Variants in MAST2 observed in about 807,000 individuals in gnomAD.
MAST2 encodes microtubule associated serine/threonine kinase 2.
A neutral mutation model predicts 147.4 loss-of-function variants in MAST2; 70 were observed. That is an observed-to-expected ratio of 0.47 (90% CI 0.39 to 0.58). MAST2 has a LOEUF of 0.58. Ranked by LOEUF, MAST2 falls within the 20% of genes least tolerant of loss-of-function variation. MAST2 has a pLI of 0.00. For missense variants in MAST2, 2,080 were observed against 2,302.3 expected, an observed-to-expected ratio of 0.90 and a Z score of 1.98; for synonymous variants, 869 against 896.8, an observed-to-expected ratio of 0.97 and a Z score of 0.55.
chr1:45,949,776 C>G (rs1268290788), intron 4 of MAST2, among the ~76,000 whole-genome samples: 5 of 152,138 alleles, frequency 3.3e-5, no homozygotes, highest in South Asian at 4.1e-4. Context: ...CACGAATGTT[C>G]ATTATAGCAC....
chr1:45,935,551 C>G (rs1432559763), intron 4 of MAST2, among the ~76,000 whole-genome samples: 1 of 152,108 alleles, frequency 6.6e-6, no homozygotes, highest in African/African-American at 2.4e-5. Flanking sequence ...CTTTGATCAT[C>G]TTGAGTTGAT....
chr1:46,031,380 T>C lies in MAST2; in HGVS notation c.2993-11T>C, dbSNP rs771258834. 1.2e-6 allele frequency: 2 copies of C among 1,603,448 alleles called. No homozygotes were observed. The highest frequency in any genetic ancestry group is 1.7e-6 in the Non-Finnish European group (2 of 1,172,468). ...GGCATCGCGGGTCTCACTGCTTACT[T>C]GGGCCTACAGCTATGGAGACCCGAG... On this transcript the variant is annotated splice_polypyrimidine_tract_variant and intron_variant, in intron 23 of 28. Transcript: ENST00000361297. The surrounding 1 kb of genome is among the most constrained non-coding windows in gnomAD (Gnocchi z 4.1).
rs1375138777 is a variant in MAST2 at position 46,033,868 on chromosome 1, C to T, written c.3604C>T (p.Arg1202Trp). The change falls in exon 27 of 29, where the codon CGG (arginine) becomes TGG (tryptophan). Residue 1202 changes from arginine (R) to tryptophan (W), a missense_variant. Physicochemically the swap from Arg to Trp is moderately radical, Grantham distance 101 (BLOSUM62 -3). Transcript: ENST00000361297. ...ENTSIKVGPA[R>W]KGSYKAKMAR... ...CACATCCATTAAAGTGGGGCCAGCTCGGAAGGGCAGCTACAAGGCCAAGAT... is the reference window on the plus strand; with the variant it reads ...CACATCCATTAAAGTGGGGCCAGCTTGGAAGGGCAGCTACAAGGCCAAGAT... 7 of 1,614,048 alleles carry T rather than the reference C, an allele frequency of 4.3e-6. No homozygotes were observed. Among genetic ancestry groups the T allele is most frequent in the Non-Finnish European group, 5.9e-6 (7 of 1,180,036 alleles).
rs1408518670 is a variant in MAST2 at position 45,911,852 on chromosome 1, TA to T, written c.500+29458del. 3.9e-3 allele frequency among the ~76,000 whole-genome samples: 499 copies of T among 129,536 alleles called. 1 individual carries two copies. The highest frequency in any genetic ancestry group is 0.014 in the African/African-American group (477 of 32,980). 85.0% of individuals were successfully genotyped at this position (129,536 alleles called of 152,430 possible). On this transcript the variant is annotated intron_variant, in intron 4 of 28. Coordinates refer to ENST00000361297, the MANE Select transcript of MAST2 (RefSeq NM_015112.3). ...GCTGTTATGTCATTATTATTATTGT[TA>T]TATTATTATTATTATTATTATTATT...
intron 10 of MAST2, among the ~76,000 whole-genome samples, chr1:46,012,672 A>G (rs942284795): frequency 4.6e-5 from 7 of 152,106 alleles, no homozygotes; most frequent in African/African-American, 1.7e-4. Flanking sequence ...CTTAACAGGT[A>G]GGAGTTCACT....
At position 45,803,644 on chromosome 1, in the gene MAST2, C is replaced by T. The variant is rs1644053167; in HGVS notation, c.-252C>T. ...GGCGGCTGAGCCGGCGGCGGGTGGC[C>T]TGCCCAACGTGTGCTGGGTGGGAGA... On this transcript the variant is annotated 5_prime_UTR_variant, in exon 1 of 29. Coordinates refer to ENST00000361297, the MANE Select transcript of MAST2 (RefSeq NM_015112.3). 1.1e-5 allele frequency: 3 copies of T among 271,824 alleles called. No individual in the cohort carries two copies. The highest frequency in any genetic ancestry group is 4.5e-5 in the African/African-American group (2 of 44,648). The allele number at this position is 271,824 out of a possible 1,614,324, so 16.8% of individuals were successfully genotyped here.
chr1:45,841,692 G>C (rs1411742177), intron 3 of MAST2, among the ~76,000 whole-genome samples: 1 of 152,184 alleles, frequency 6.6e-6, no homozygotes, highest in Non-Finnish European at 1.5e-5. Flanking sequence ...TATAGGTTTA[G>C]AAAGGAAAGT....
chr1:45,898,878 CT>C (rs756976828), intron 4 of MAST2, among the ~76,000 whole-genome samples: 5 of 152,186 alleles, frequency 3.3e-5, no homozygotes, highest in Non-Finnish European at 5.9e-5. Flanking sequence ...GGGATGTCTA[CT>C]TATCCATCCC....
intron 4 of MAST2, among the ~76,000 whole-genome samples, chr1:45,903,618 G>C (rs1397410479): frequency 6.6e-6 from 1 of 152,158 alleles, no homozygotes; most frequent in Non-Finnish European, 1.5e-5. Flanking sequence ...AGTTCCTCTT[G>C]ATGTTGATTT....
At chr1:45,888,321 T>C (rs1376073950) in intron 4 of MAST2, among the ~76,000 whole-genome samples, 2 of 152,162 alleles carry the variant, frequency 1.3e-5, no homozygotes, top group Non-Finnish European at 2.9e-5. Context: ...GTCTTTTCTG[T>C]TATACCTCTC....
chr1:46,010,223 C>CT (rs1645657441), intron 9 of MAST2, among the ~76,000 whole-genome samples: 1 of 152,210 alleles, frequency 6.6e-6, no homozygotes, highest in Admixed American at 6.5e-5. Context: ...TGCCCATACA[C>CT]TAAGTTTACA....
intron 3 of MAST2, among the ~76,000 whole-genome samples, chr1:45,871,183 G>A (rs1570460813): frequency 7.0e-6 from 1 of 143,580 alleles, no homozygotes; most frequent in South Asian, 2.2e-4. Context: ...ATTATTTTTT[G>A]TATTCCATAT....
At chr1:45,832,259 T>TG (rs1353459935) in intron 3 of MAST2, among the ~76,000 whole-genome samples, 2 of 151,952 alleles carry the variant, frequency 1.3e-5, no homozygotes, top group Non-Finnish European at 2.9e-5. Flanking sequence ...TCCAGATGTC[T>TG]GGGGTTAGTC....
chr1:45,828,559 G>A (rs1644859123), intron 2 of MAST2, among the ~76,000 whole-genome samples: 1 of 152,176 alleles, frequency 6.6e-6, no homozygotes, highest in Admixed American at 6.5e-5. Flanking sequence ...ATTTTTGTTG[G>A]TTAGATCACA....
rs139167107 is a variant in MAST2 at position 45,852,413 on chromosome 1, G to A, written c.468+22832G>A. On this transcript the variant is annotated intron_variant, in intron 3 of 28. Coordinates refer to ENST00000361297, the MANE Select transcript of MAST2 (RefSeq NM_015112.3). ...GTCTCACTCTGTCCCCCAGGCTGGA[G>A]TGTGGTTTTGCAGTCATGGCTCACT... is the stretch of plus-strand genomic sequence containing the variant. Among the ~76,000 whole-genome samples the A allele has an allele frequency of 3.7e-3, 564 of 152,194 alleles. 1 individual carries two copies. The highest frequency in any genetic ancestry group is 5.6e-3 in the Non-Finnish European group (380 of 68,022).
chr1:45,930,999 G>C (rs898147756), intron 4 of MAST2, among the ~76,000 whole-genome samples: 12 of 152,142 alleles, frequency 7.9e-5, no homozygotes, highest in African/African-American at 2.9e-4. Flanking sequence ...GAACACTTTA[G>C]TGTATACTTC....
In MAST2 at chr1:45,824,498, C is replaced by T. The variant is rs372110720; in HGVS notation, c.243C>T (p.Ser81=). 1.9e-6 allele frequency: 3 copies of T among 1,612,110 alleles called. No homozygotes were observed. The highest frequency in any genetic ancestry group is 2.5e-6 in the Non-Finnish European group (3 of 1,178,872). ...RKLSNPDIFS[S]TGKVKLQRQL... ...TCAGTAATCCTGACATATTTTCATC[C>T]ACTGGAAAAGTTAAACTTCAGCGAC... The change falls in exon 2 of 29, where the codon TCC becomes TCT. Residue 81 remains serine, a synonymous_variant. Transcript: ENST00000361297.
In MAST2 at chr1:45,909,974, C is replaced by T. The variant is rs1176665272; in HGVS notation, c.500+27579C>T. ...TCCTGGGCTCAAGAGATCTGCCTGC[C>T]TCGGCCTCCCAAAGTGCTGGGATTA... On this transcript the variant is annotated intron_variant, in intron 4 of 28. Transcript: ENST00000361297. Among the ~76,000 whole-genome samples, 3 of 151,602 alleles carry T rather than the reference C, an allele frequency of 2.0e-5. No individual in the cohort carries two copies. The East Asian group carries it at 5.8e-4, about 29-fold the overall frequency.
chr1:46,003,495 A>G (rs1645357100), intron 7 of MAST2, among the ~76,000 whole-genome samples: 1 of 151,610 alleles, frequency 6.6e-6, no homozygotes, highest in Non-Finnish European at 1.5e-5. Context: ...TTTTTGAAAG[A>G]GTGTCACTGT....
Sources: allele counts gnomAD v4.1 joint callset (sites outside exome capture counted in the v4.1 genomes callset), GRCh38; gene constraint gnomAD v4.1.1; non-coding constraint Gnocchi (gnomAD v3.1); transcripts MANE v1.5; gene names NCBI Gene and HGNC (gene_info 2026-07-23, HGNC 2026-07-21).